ADAMTS12: variants seen among roughly 807,000 people sequenced by gnomAD.
ADAMTS12 encodes A disintegrin and metalloproteinase with thrombospondin motifs 12.
In ADAMTS12, 118 loss-of-function variants were observed where a neutral mutation model predicts 167.8. The ratio of observed to expected loss-of-function variants is 0.70; its 90% confidence interval spans 0.61 to 0.82. ADAMTS12 has a LOEUF of 0.82. Ranked by LOEUF, ADAMTS12 falls within the 40% of genes least tolerant of loss-of-function variation. ADAMTS12 has a pLI of 0.00. For synonymous variants in ADAMTS12, 704 were observed against 716.9 expected, an observed-to-expected ratio of 0.98 and a Z score of 0.29; for missense variants, 1,916 against 1,998.8, an observed-to-expected ratio of 0.96 and a Z score of 0.79.
At chr5:33,620,203 T>A (rs1320559656) in intron 14 of ADAMTS12, among the ~76,000 whole-genome samples, 1 of 152,268 alleles carries the variant, frequency 6.6e-6, no homozygotes, top group Non-Finnish European at 1.5e-5. Context: ...AGCAGACAGC[T>A]ATAGCTGCAG....
intron 2 of ADAMTS12, among the ~76,000 whole-genome samples, chr5:33,853,100 C>A (rs1392460454): frequency 6.6e-6 from 1 of 152,172 alleles, no homozygotes; most frequent in Non-Finnish European, 1.5e-5. Context: ...GAGCAGGGAG[C>A]CTAATTCTTG....
At chr5:33,627,722 T>C (rs1450819784) in intron 13 of ADAMTS12, among the ~76,000 whole-genome samples, 1 of 152,154 alleles carries the variant, frequency 6.6e-6, no homozygotes, top group East Asian at 1.9e-4. Context: ...TCTCAGGCTT[T>C]TGAGGGTCAG....
chr5:33,639,107 G>T (rs1363297289), intron 11 of ADAMTS12, among the ~76,000 whole-genome samples: 1 of 152,132 alleles, frequency 6.6e-6, no homozygotes, highest in South Asian at 2.1e-4. Context: ...TTTGTAAAAT[G>T]AGCATAATAG....
At chr5:33,715,874 C>G (rs11740622) in intron 3 of ADAMTS12, among the ~76,000 whole-genome samples, 1 of 151,966 alleles carries the variant, frequency 6.6e-6, no homozygotes, top group Admixed American at 6.6e-5. Context: ...GTCTAGCCAA[C>G]CCCACCCAAG....
intron 7 of ADAMTS12, among the ~76,000 whole-genome samples, chr5:33,652,744 C>T (rs1045348845): frequency 1.3e-4 from 20 of 152,042 alleles, no homozygotes; most frequent in African/African-American, 4.6e-4. Context: ...TTTGTAGTTT[C>T]AGGACTTACA....
chr5:33,563,329 G>GAATC (rs1346935504), intron 19 of ADAMTS12, among the ~76,000 whole-genome samples: 1 of 152,200 alleles, frequency 6.6e-6, no homozygotes, highest in African/African-American at 2.4e-5. Context: ...TCCAGCTCTT[G>GAATC]AATCAGGGCT....
intron 16 of ADAMTS12, among the ~76,000 whole-genome samples, chr5:33,604,453 A>G (rs776181731): frequency 3.3e-4 from 50 of 151,852 alleles, no homozygotes; most frequent in Non-Finnish European, 4.7e-4. Flanking sequence ...GTGAGCGGAA[A>G]TTACGCCACT....
chr5:33,865,301 G>A (rs1749777282), intron 2 of ADAMTS12, among the ~76,000 whole-genome samples: 1 of 152,018 alleles, frequency 6.6e-6, no homozygotes, highest in South Asian at 2.1e-4. Context: ...TTTCACCCCA[G>A]GGATGTAGGG....
chr5:33,607,216 CCAATGCAATG>C (rs148668371), intron 16 of ADAMTS12, among the ~76,000 whole-genome samples: 10 of 151,516 alleles, frequency 6.6e-5, no homozygotes, highest in African/African-American at 2.2e-4. Flanking sequence ...TGTGACAGGC[CCAATGCAATG>C]CAATGCAATG....
intron 7 of ADAMTS12, among the ~76,000 whole-genome samples, chr5:33,656,920 C>T (rs1299925581): frequency 1.3e-5 from 2 of 152,204 alleles, no homozygotes; most frequent in East Asian, 1.9e-4. Flanking sequence ...CTTAGCTTCT[C>T]TATCTCTGAA....
rs538417735 is a variant in ADAMTS12, at chr5:33,644,891, C to T, written c.1480-1421G>A. On this transcript the variant is annotated intron_variant, in intron 9 of 23. Coordinates refer to ENST00000504830, the MANE Select transcript of ADAMTS12 (RefSeq NM_030955.4). The stretch of plus-strand genomic sequence containing the variant: ...GACTGCAGACACCCGCCTCCACGCC[C>T]GGCTAATTTTTTGTATCTGTAGTAG... Among the ~76,000 whole-genome samples the T allele has an allele frequency of 6.3e-4, 96 of 152,188 alleles. 1 individual carries two copies. The highest frequency in any genetic ancestry group is 1.0e-3 in the Non-Finnish European group (68 of 68,004).
chr5:33,749,760 A>T (rs572198154), intron 3 of ADAMTS12, among the ~76,000 whole-genome samples: 4 of 152,200 alleles, frequency 2.6e-5, no homozygotes, highest in African/African-American at 7.2e-5. Flanking sequence ...ATAGGGGGCC[A>T]TGATAGTTGT....
chr5:33,623,472 G>C (rs937605264), intron 14 of ADAMTS12, among the ~76,000 whole-genome samples: 2 of 152,220 alleles, frequency 1.3e-5, no homozygotes, highest in African/African-American at 4.8e-5. Flanking sequence ...CCCTTTCTTA[G>C]CTGCCTTCCT....
intron 18 of ADAMTS12, among the ~76,000 whole-genome samples, chr5:33,588,230 C>G (rs429419): frequency 0.23 from 34,503 of 152,056 alleles, 4,017 homozygotes; most frequent in Non-Finnish European, 0.25. Context: ...CAGTGATGTG[C>G]AGTCAATGTT....
intron 3 of ADAMTS12, among the ~76,000 whole-genome samples, chr5:33,732,029 C>T (rs557069609): frequency 2.6e-5 from 4 of 152,102 alleles, no homozygotes; most frequent in East Asian, 1.9e-4. Context: ...TATTCTAGGG[C>T]TGCATCCAGG....
intron 17 of ADAMTS12, among the ~76,000 whole-genome samples, chr5:33,591,659 T>C (rs1361265437): frequency 6.6e-6 from 1 of 152,124 alleles, no homozygotes; most frequent in Non-Finnish European, 1.5e-5. Flanking sequence ...CACACCATGC[T>C]CAGTCCTTTT....
chr5:33,594,609 C>T (rs573436743), intron 17 of ADAMTS12, among the ~76,000 whole-genome samples: 1 of 152,140 alleles, frequency 6.6e-6, no homozygotes. Flanking sequence ...CTAGTGCTAG[C>T]CTTATCTTCC....
chr5:33,656,687 A>T (rs1741074759), intron 7 of ADAMTS12, among the ~76,000 whole-genome samples: 1 of 152,164 alleles, frequency 6.6e-6, no homozygotes, highest in Non-Finnish European at 1.5e-5. Context: ...GTCACCTAGC[A>T]TTGTTTGGCC....
intron 3 of ADAMTS12, among the ~76,000 whole-genome samples, chr5:33,741,721 G>A (rs7700262): frequency 0.065 from 9,867 of 152,038 alleles, 1,079 homozygotes; most frequent in African/African-American, 0.23. Context: ...TCCGCCTCCC[G>A]GGTTCAAGCG....
Sources: gnomAD v4.1 joint callset for allele counts (sites outside exome capture counted in the v4.1 genomes callset) on GRCh38, gnomAD v4.1.1 for gene constraint, MANE v1.5 for transcripts, NCBI Gene and HGNC (gene_info 2026-07-23, HGNC 2026-07-21) for gene names.